The following ABI1 variants were observed in gnomAD, a reference collection of about 807,000 sequenced individuals.
ABI1 encodes the protein abl interactor 1.
In ABI1, 14 loss-of-function variants were observed where a neutral mutation model predicts 54.6. The observed-to-expected ratio is 0.26, with a 90% CI of 0.17 to 0.40. The LOEUF (loss-of-function observed/expected upper bound fraction) is 0.40, where lower values mean the gene tolerates loss of function less well. Among genes scored for constraint, ABI1 ranks in the 10% least tolerant of loss-of-function variants. The probability of loss-of-function intolerance (pLI) is 1.00; values close to 1 mark genes in which losing one functional copy is unlikely to be tolerated. For synonymous variants in ABI1, 194 were observed against 209.3 expected (o/e 0.93, Z 0.63); for missense variants, 443 against 598.3 (o/e 0.74, Z 2.71).
intron 2 of ABI1, among the ~76,000 whole-genome samples, chr10:26,793,341 T>C (rs1843710778): frequency 6.6e-6 from 1 of 152,244 alleles, no homozygotes; most frequent in South Asian, 2.1e-4. Context: ...TTACAGATCT[T>C]TGTTCAATAA....
At chr10:26,803,496 A>G (rs2046689739) in intron 2 of ABI1, among the ~76,000 whole-genome samples, 1 of 152,232 alleles carries the variant, frequency 6.6e-6, no homozygotes, top group Non-Finnish European at 1.5e-5. Flanking sequence ...GTAGAGAACA[A>G]TGCAAACACC....
Position 26,823,133 on chromosome 10 carries a change from G to A in ABI1, c.285+5C>T. On this transcript the variant is annotated splice_donor_5th_base_variant and intron_variant, in intron 2 of 10. Coordinates refer to ENST00000376140, the MANE Select transcript of ABI1 (RefSeq NM_001012750.3). ...TTGAATTTAAAGCATTTTATAAGCT[G>A]TTACCTGTGAGATATGATTGATGGA... 6.3e-7 allele frequency: 1 copy of A among 1,583,934 alleles called. No individual in the cohort carries two copies. The highest frequency in any genetic ancestry group is 2.3e-5 in the East Asian group (1 of 43,348).
intron 1 of ABI1, among the ~76,000 whole-genome samples, chr10:26,826,708 CT>C (rs60894563): frequency 0.037 from 5,604 of 152,280 alleles, 352 homozygotes; most frequent in African/African-American, 0.13. Context: ...CTTGCTGCAG[CT>C]TCTACATCAG....
intron 1 of ABI1, among the ~76,000 whole-genome samples, chr10:26,836,646 C>A (rs1393579089): frequency 6.6e-6 from 1 of 152,110 alleles, no homozygotes; most frequent in Non-Finnish European, 1.5e-5. Context: ...CTTGCAGATA[C>A]CAGGAAACTA....
At chr10:26,770,216 T>G (rs1323435915) in intron 5 of ABI1, 29 bp downstream of exon 5, 1 of 1,581,536 alleles carries the variant, frequency 6.3e-7, no homozygotes, top group African/African-American at 1.3e-5. Flanking sequence ...GCATATGAAT[T>G]CTTTTGCAAA....
intron 3 of ABI1, among the ~76,000 whole-genome samples, chr10:26,775,200 G>T (rs1841228254): frequency 6.6e-6 from 1 of 152,000 alleles, no homozygotes; most frequent in South Asian, 2.1e-4. Flanking sequence ...CCTTTAGAGA[G>T]AACACAAAAC....
chr10:26,752,434 A>G (rs1837755493), intron 9 of ABI1, among the ~76,000 whole-genome samples: 1 of 152,226 alleles, frequency 6.6e-6, no homozygotes, highest in Non-Finnish European at 1.5e-5. Flanking sequence ...AGTATTTTTA[A>G]AAAGGTTTAT....
intron 1 of ABI1, among the ~76,000 whole-genome samples, chr10:26,854,043 A>T (rs1302474653): frequency 2.6e-5 from 4 of 152,208 alleles, no homozygotes; most frequent in African/African-American, 9.7e-5. Flanking sequence ...ATGGTCACAC[A>T]GCAGATCCCC....
chr10:26,814,635 A>C (rs1263998956), intron 2 of ABI1, among the ~76,000 whole-genome samples: 1 of 152,212 alleles, frequency 6.6e-6, no homozygotes, highest in Non-Finnish European at 1.5e-5. Context: ...TTAAAAATTT[A>C]CAAAATAAGA....
intron 1 of ABI1, among the ~76,000 whole-genome samples, chr10:26,857,700 T>C (rs1335137734): frequency 2.0e-5 from 3 of 150,128 alleles, no homozygotes; most frequent in African/African-American, 7.4e-5. Context: ...ATGGCAACTG[T>C]TAAAACCCTG....
In ABI1 at chr10:26,832,307, G is replaced by A. The variant is rs2048727975; in HGVS notation, c.118-9002C>T. 2.6e-5 allele frequency among the ~76,000 whole-genome samples: 4 copies of A among 152,258 alleles called. No individual in the cohort carries two copies. The South Asian group carries it at 8.3e-4, about 32-fold the overall frequency. On this transcript the variant is annotated intron_variant, in intron 1 of 10. Transcript: ENST00000376140. ...TTAAAAAATAAAGTATGTTGGCCGG[G>A]CGCAGTGGCTCACTCCTGTAATCCC...
chr10:26,840,133 C>T (rs2049389826), intron 1 of ABI1, among the ~76,000 whole-genome samples: 2 of 152,154 alleles, frequency 1.3e-5, no homozygotes, highest in South Asian at 4.1e-4. Flanking sequence ...GAAATATGAT[C>T]CCCAATGCTG....
At chr10:26,792,714 GCAA>G (rs1356564657) in intron 2 of ABI1, among the ~76,000 whole-genome samples, 1 of 152,076 alleles carries the variant, frequency 6.6e-6, no homozygotes, top group Non-Finnish European at 1.5e-5. Context: ...TATTCTAAAA[GCAA>G]TTATATTTAG....
rs757960367 is a variant in ABI1 at position 26,776,009 on chromosome 10, T to C, written c.462+1056A>G. ...ACTCCAATCCCAGAGATCAGTCTAG[T>C]TTAAAGCACCTTGAATTAAAACTGA... On this transcript the variant is annotated intron_variant, in intron 3 of 10. Coordinates refer to ENST00000376140, the MANE Select transcript of ABI1 (RefSeq NM_001012750.3). Among the ~76,000 whole-genome samples the C allele has an allele frequency of 5.3e-5, 8 of 152,302 alleles. No homozygotes were observed. In the South Asian group the frequency reaches 1.2e-3, roughly 24 times the overall value.
At chr10:26,846,875 A>G (rs144264649) in intron 1 of ABI1, among the ~76,000 whole-genome samples, 2,412 of 152,180 alleles carry the variant, frequency 0.016, 47 homozygotes, top group African/African-American at 0.049. Flanking sequence ...CTCGGTTAAC[A>G]TATATTCACC....
chr10:26,782,050 T>C (rs369501475), intron 2 of ABI1, among the ~76,000 whole-genome samples: 8 of 152,332 alleles, frequency 5.3e-5, no homozygotes, highest in South Asian at 4.1e-4. Context: ...TACTGGCAGA[T>C]TGGTTGCATC....
chr10:26,851,604 T>C (rs1394632707), intron 1 of ABI1, among the ~76,000 whole-genome samples: 4 of 152,058 alleles, frequency 2.6e-5, no homozygotes, highest in Non-Finnish European at 4.4e-5. Context: ...AATGTTTCAA[T>C]TGTGAAAGCA....
chr10:26,859,847 T>C (rs1422217433), intron 1 of ABI1, among the ~76,000 whole-genome samples: 1 of 152,176 alleles, frequency 6.6e-6, no homozygotes, highest in Non-Finnish European at 1.5e-5. Context: ...TTATGAAGCC[T>C]ACAGCTCAAG....
chr10:26,825,371 T>A (rs563366234), intron 1 of ABI1, among the ~76,000 whole-genome samples: 34 of 151,164 alleles, frequency 2.2e-4, no homozygotes, highest in Admixed American at 1.1e-3. Context: ...GAAAAAAAAA[T>A]TTTTTTTGGC....
Sources: allele counts gnomAD v4.1 joint callset (sites outside exome capture counted in the v4.1 genomes callset), GRCh38; gene constraint gnomAD v4.1.1; transcripts MANE v1.5; gene names NCBI Gene and HGNC (gene_info 2026-07-23, HGNC 2026-07-21).